Variants in LRRC4C observed in about 807,000 individuals in gnomAD.
The protein encoded by LRRC4C is leucine-rich repeat-containing protein 4C.
LRRC4C carries 5 observed loss-of-function variants against 33.6 expected under a neutral mutation model. That is an observed-to-expected ratio of 0.15 (90% CI 0.08 to 0.31). The LOEUF is 0.31. Among genes scored for constraint, LRRC4C ranks in the 10% least tolerant of loss-of-function variants. The probability of loss-of-function intolerance (pLI) is 1.00; values close to 1 mark genes in which losing one functional copy is unlikely to be tolerated. For missense variants in LRRC4C, 560 were observed against 796.7 expected, an observed-to-expected ratio of 0.70 and a Z score of 3.58; for synonymous variants, 329 against 302.0, an observed-to-expected ratio of 1.09 and a Z score of -0.93.
At chr11:41,298,733 ACTATTACC>A (rs1227790065) in intron 1 of LRRC4C, among the ~76,000 whole-genome samples, 1 of 152,192 alleles carries the variant, frequency 6.6e-6, no homozygotes, top group Non-Finnish European at 1.5e-5. Flanking sequence ...TTTTTGTATG[ACTATTACC>A]CAAATAGTGT....
intron 2 of LRRC4C, among the ~76,000 whole-genome samples, chr11:40,665,065 G>A (rs1219733469): frequency 6.6e-6 from 1 of 151,272 alleles, no homozygotes; most frequent in Non-Finnish European, 1.5e-5. Flanking sequence ...GAGAATGATG[G>A]TTTGTCAAGG....
intron 6 of LRRC4C, among the ~76,000 whole-genome samples, chr11:40,131,938 A>G (rs1000456082): frequency 7.9e-5 from 12 of 152,232 alleles, no homozygotes; most frequent in African/African-American, 2.7e-4. Context: ...GAAATTGTAC[A>G]GTACCATCAT....
intron 1 of LRRC4C, among the ~76,000 whole-genome samples, chr11:41,384,762 C>T (rs1034284458): frequency 6.7e-6 from 1 of 150,264 alleles, no homozygotes; most frequent in African/African-American, 2.4e-5. Flanking sequence ...TATCCATTGG[C>T]ATTGTTATTA....
intron 1 of LRRC4C, among the ~76,000 whole-genome samples, chr11:41,198,978 C>T (rs745873694): frequency 3.3e-5 from 5 of 151,994 alleles, no homozygotes; most frequent in Non-Finnish European, 5.9e-5. Context: ...GTACTAGTTG[C>T]CTTCGTTTAT....
At chr11:40,896,176 T>G (rs1387419075) in intron 2 of LRRC4C, among the ~76,000 whole-genome samples, 3 of 152,178 alleles carry the variant, frequency 2.0e-5, no homozygotes, top group Admixed American at 1.3e-4. Context: ...TGCTTAGAAG[T>G]TTGATCAGCT....
chr11:41,435,243 A>C (rs1056537721), intron 1 of LRRC4C, among the ~76,000 whole-genome samples: 15 of 152,218 alleles, frequency 9.9e-5, no homozygotes, highest in African/African-American at 3.4e-4. Flanking sequence ...ATGTATGTGC[A>C]AGAGAGCATT....
intron 1 of LRRC4C, among the ~76,000 whole-genome samples, chr11:41,458,414 G>A (rs1246677978): frequency 6.6e-6 from 1 of 152,044 alleles, no homozygotes; most frequent in East Asian, 1.9e-4. Flanking sequence ...CCAATGCAGA[G>A]ATAAAAATAC....
chr11:41,367,602 C>G (rs929897421), intron 1 of LRRC4C, among the ~76,000 whole-genome samples: 1 of 152,140 alleles, frequency 6.6e-6, no homozygotes, highest in Non-Finnish European at 1.5e-5. Context: ...ACAATAGCTA[C>G]TGTGGTCAAA....
At chr11:40,353,080 G>A (rs1417789466) in intron 3 of LRRC4C, among the ~76,000 whole-genome samples, 1 of 151,986 alleles carries the variant, frequency 6.6e-6, no homozygotes, top group African/African-American at 2.4e-5. Context: ...AATCTTCTTG[G>A]TGCTCTATAA....
At chr11:40,886,817 C>G (rs891680199) in intron 2 of LRRC4C, among the ~76,000 whole-genome samples, 1 of 151,744 alleles carries the variant, frequency 6.6e-6, no homozygotes, top group Non-Finnish European at 1.5e-5. Flanking sequence ...TAGTATCCCT[C>G]TCTCCACTGA....
intron 1 of LRRC4C, among the ~76,000 whole-genome samples, chr11:41,195,385 T>TA (rs1376603070): frequency 6.6e-6 from 1 of 152,040 alleles, no homozygotes; most frequent in East Asian, 1.9e-4. Flanking sequence ...TAAAGCCATT[T>TA]AAAAAAACAA....
intron 2 of LRRC4C, among the ~76,000 whole-genome samples, chr11:40,915,231 T>G (rs1384741816): frequency 6.6e-6 from 1 of 152,184 alleles, no homozygotes; most frequent in East Asian, 1.9e-4. Flanking sequence ...AGAGCCCATA[T>G]TGCCAAGTCA....
intron 2 of LRRC4C, among the ~76,000 whole-genome samples, chr11:40,851,569 C>T (rs1178144715): frequency 6.6e-6 from 1 of 152,090 alleles, no homozygotes; most frequent in African/African-American, 2.4e-5. Flanking sequence ...TAGACCGGAG[C>T]TGTTCCTATT....
intron 1 of LRRC4C, among the ~76,000 whole-genome samples, chr11:41,169,656 G>A (rs1245070188): frequency 1.3e-5 from 2 of 152,102 alleles, no homozygotes; most frequent in African/African-American, 4.8e-5. Flanking sequence ...TTTTCAATTA[G>A]AAATACTTGC....
At chr11:40,866,903 T>C (rs1954395371) in intron 2 of LRRC4C, among the ~76,000 whole-genome samples, 1 of 152,098 alleles carries the variant, frequency 6.6e-6, no homozygotes, top group South Asian at 2.1e-4. Flanking sequence ...AACTTATGTG[T>C]TTTCTCAACT....
At chr11:40,509,256 T>A (rs1351237357) in intron 3 of LRRC4C, among the ~76,000 whole-genome samples, 1 of 152,168 alleles carries the variant, frequency 6.6e-6, no homozygotes, top group Non-Finnish European at 1.5e-5. Flanking sequence ...ATTTAAGCAA[T>A]GCATCTACAG....
chr11:40,739,890 A>ATATG (rs754327574), intron 2 of LRRC4C, among the ~76,000 whole-genome samples: 7 of 151,746 alleles, frequency 4.6e-5, no homozygotes, highest in Admixed American at 1.3e-4. Flanking sequence ...GACTAATATG[A>ATATG]TATGTATGTA....
chr11:40,865,873 A>G (rs4598662), intron 2 of LRRC4C, among the ~76,000 whole-genome samples: 88,288 of 151,710 alleles, frequency 0.58, 30,091 homozygotes, highest in East Asian at 0.86. Context: ...TTTAAAGTAC[A>G]TTATTAATAA....
At chr11:40,790,785 T>C (rs1213845232) in intron 2 of LRRC4C, among the ~76,000 whole-genome samples, 2 of 152,228 alleles carry the variant, frequency 1.3e-5, no homozygotes, top group African/African-American at 4.8e-5. Context: ...ATCTGTTAAT[T>C]ATAAATATGC....
Sources: gnomAD v4.1 joint callset for allele counts (sites outside exome capture counted in the v4.1 genomes callset) on GRCh38, gnomAD v4.1.1 for gene constraint, MANE v1.5 for transcripts, NCBI Gene and HGNC (gene_info 2026-07-23, HGNC 2026-07-21) for gene names.